TP53BP1: variants seen among roughly 807,000 people sequenced by gnomAD.
TP53BP1 encodes TP53-binding protein 1.
A neutral mutation model predicts 200.8 loss-of-function variants in TP53BP1; 61 were observed. The ratio of observed to expected loss-of-function variants is 0.30; its 90% CI spans 0.25 to 0.38. TP53BP1 has a LOEUF of 0.38. Among genes scored for constraint, TP53BP1 ranks in the 10% least tolerant of loss-of-function variants. The pLI is 1.00. For missense variants in TP53BP1, 2,144 were observed against 2,371.9 expected (o/e 0.90, Z 2.00); for synonymous variants, 822 against 844.3 (o/e 0.97, Z 0.46).
chr15:43,412,404 G>C (rs1327428903), intron 24 of TP53BP1, among the ~76,000 whole-genome samples: 1 of 152,132 alleles, frequency 6.6e-6, no homozygotes, highest in Non-Finnish European at 1.5e-5. Flanking sequence ...GACACATTCA[G>C]ATACTGCTGT....
chr15:43,489,794 T>C (rs961479313), intron 4 of TP53BP1, among the ~76,000 whole-genome samples: 1 of 152,194 alleles, frequency 6.6e-6, no homozygotes, highest in African/African-American at 2.4e-5. Flanking sequence ...AAAACACTTC[T>C]GCAGGCCACA....
intron 1 of TP53BP1, among the ~76,000 whole-genome samples, chr15:43,506,492 A>C (rs1202816238): frequency 6.6e-6 from 1 of 152,226 alleles, no homozygotes; most frequent in African/African-American, 2.4e-5. Context: ...GAAACAGCCT[A>C]TAATAGTGCC....
chr15:43,445,330 T>G (rs1317080472), intron 14 of TP53BP1, among the ~76,000 whole-genome samples: 1 of 152,214 alleles, frequency 6.6e-6, no homozygotes, highest in East Asian at 1.9e-4. Context: ...AACTTGCTCC[T>G]GTGCCTGACA....
At chr15:43,484,955 G>C (rs1200838731) in intron 4 of TP53BP1, among the ~76,000 whole-genome samples, 1 of 151,884 alleles carries the variant, frequency 6.6e-6, no homozygotes, top group Non-Finnish European at 1.5e-5. Flanking sequence ...TCACTATGTT[G>C]TCCAGGCTGC....
chr15:43,466,379 T>A (rs2046581225), intron 11 of TP53BP1, among the ~76,000 whole-genome samples: 2 of 151,570 alleles, frequency 1.3e-5, no homozygotes, highest in Non-Finnish European at 2.9e-5. Flanking sequence ...TTAATGAGAG[T>A]CAAAGAAAAC....
At chr15:43,507,848 G>A (rs922508552) in intron 1 of TP53BP1, among the ~76,000 whole-genome samples, 1 of 151,834 alleles carries the variant, frequency 6.6e-6, no homozygotes, top group Non-Finnish European at 1.5e-5. Context: ...CTGAGTAGCT[G>A]GGACTACAGG....
At chr15:43,421,714 A>G (rs1255101726) in intron 19 of TP53BP1, 141 bp downstream of exon 19, 5 of 1,223,472 alleles carry the variant, frequency 4.1e-6, no homozygotes, top group Non-Finnish European at 5.6e-6. Context: ...ACAGGAAGAG[A>G]GCAAATAGTG....
intron 9 of TP53BP1, 110 bp from the exon 10 acceptor site, chr15:43,474,877 T>C (rs1203698338): frequency 1.0e-5 from 7 of 701,482 alleles, no homozygotes; most frequent in South Asian, 2.0e-5. Flanking sequence ...TTCAGATAAA[T>C]ACTTATCAGC....
chr15:43,407,471 T>C lies in TP53BP1; in HGVS notation c.5846A>G (p.Gln1949Arg), dbSNP rs1339621020. ...AEALQLPVVS[Q>R]EWVIQCLIVG... is the part of the protein sequence containing the mutation. ...AATGAGGCACTGGATCACCCACTCT[T>C]GTGACACCACAGGCAGCTGCAATGC... Residue 1949 changes from glutamine (Q) to arginine (R), a missense_variant, in exon 28 of 28, where the codon CAA becomes CGA. By Grantham distance (43) the Gln-to-Arg change is conservative. Transcript: ENST00000382044. 6.2e-7 allele frequency: 1 copy of C among 1,614,110 alleles called. No individual in the cohort carries two copies. Among genetic ancestry groups the C allele is most frequent in the Non-Finnish European group, 8.5e-7 (1 of 1,180,050 alleles).
chr15:43,441,108 A>C (rs2045915957), intron 15 of TP53BP1, among the ~76,000 whole-genome samples: 1 of 152,308 alleles, frequency 6.6e-6, no homozygotes, highest in Non-Finnish European at 1.5e-5. Flanking sequence ...ATAGTAGTTA[A>C]TTTGGCAGGC....
intron 21 of TP53BP1, 141 bp downstream of exon 21, chr15:43,420,164 A>T: frequency 3.7e-6 from 3 of 808,968 alleles, no homozygotes; most frequent in Non-Finnish European, 4.0e-6. Context: ...TGGCAAGAGT[A>T]ACCAATTTTG....
intron 14 of TP53BP1, among the ~76,000 whole-genome samples, chr15:43,442,270 T>G (rs2045942396): frequency 1.3e-5 from 2 of 151,922 alleles, no homozygotes; most frequent in South Asian, 4.2e-4. Context: ...GTATTTTTAG[T>G]CGAGACGGGG....
chr15:43,456,412 G>A lies in TP53BP1; in HGVS notation c.2196C>T (p.Ser732=). Residue 732 remains serine (S), a synonymous_variant, in exon 12 of 28, where the codon TCC becomes TCT. Transcript: ENST00000382044. ...GGTCAAGTATTGCCAACTTTTGAGG[G>A]GAATCAATACTAATCACACTGGTTT... ...EVETSVISID[S]PQKLAILDQE... is the part of the protein sequence containing the mutation. 3 of 1,595,328 alleles carry A rather than the reference G, an allele frequency of 1.9e-6. No individual in the cohort carries two copies. Among genetic ancestry groups the A allele is most frequent in the Non-Finnish European group, 2.6e-6 (3 of 1,173,568 alleles).
At chr15:43,452,081 G>A (rs1262555518) in intron 12 of TP53BP1, among the ~76,000 whole-genome samples, 1 of 152,220 alleles carries the variant, frequency 6.6e-6, no homozygotes, top group Admixed American at 6.5e-5. Context: ...GTTGCAGTGA[G>A]CCGAGATCAT....
intron 4 of TP53BP1, among the ~76,000 whole-genome samples, chr15:43,481,509 A>AT (rs538532826): frequency 2.7e-4 from 40 of 146,616 alleles, no homozygotes; most frequent in African/African-American, 8.0e-4. Context: ...TTTTTTACTT[A>AT]TTTTTTTTTT....
chr15:43,502,432 C>T (rs1173165599), intron 1 of TP53BP1, among the ~76,000 whole-genome samples: 1 of 152,124 alleles, frequency 6.6e-6, no homozygotes, highest in Non-Finnish European at 1.5e-5. Context: ...TTTGGTTTGT[C>T]AGTGTGAAGT....
At chr15:43,497,415 G>C (rs28717706), upstream of TP53BP1, 23,090 of 985,114 alleles carry the variant, frequency 0.023, 347 homozygotes, top group Middle Eastern at 0.039. Flanking sequence ...TATCTTTGAC[G>C]TCTGTAGTGT....
intron 20 of TP53BP1, 22 bp downstream of exon 20, chr15:43,421,003 A>G: frequency 6.2e-7 from 1 of 1,603,780 alleles, no homozygotes; most frequent in Non-Finnish European, 8.5e-7. Flanking sequence ...CAGACTAAGT[A>G]TATCTTACAC....
chr15:43,406,828 C>T lies in TP53BP1; in HGVS notation c.*555G>A, dbSNP rs2044909125. The T allele has an allele frequency of 3.1e-6, 1 of 327,840 alleles. No individual in the cohort carries two copies. Among genetic ancestry groups the T allele is most frequent in the East Asian group, 7.9e-5 (1 of 12,582 alleles). 20.3% of individuals were successfully genotyped at this position (327,840 alleles called of 1,614,324 possible). The stretch of plus-strand genomic sequence containing the variant: ...GCTTATGGTCACTGTCCCTTCATGG[C>T]AGTTGGTCCTTTCGTTCTCCCTTTA... On this transcript the variant is annotated 3_prime_UTR_variant, in exon 28 of 28. Transcript: ENST00000382044.
Sources: allele counts gnomAD v4.1 joint callset (sites outside exome capture counted in the v4.1 genomes callset), GRCh38; gene constraint gnomAD v4.1.1; transcripts MANE v1.5; gene names NCBI Gene and HGNC (gene_info 2026-07-23, HGNC 2026-07-21).